Variants in PRIM2 observed in about 807,000 individuals in gnomAD.
The protein encoded by PRIM2 is DNA primase large subunit.
PRIM2 carries 39 observed loss-of-function variants against 67.3 expected under a neutral mutation model. That is an observed-to-expected ratio of 0.58 (90% CI 0.45 to 0.76). PRIM2 has a LOEUF of 0.76. PRIM2 is among the 30% of genes least tolerant of loss of function. The pLI is 0.00. For missense variants in PRIM2, 398 were observed against 598.7 expected, an observed-to-expected ratio of 0.66 and a Z score of 3.50; for synonymous variants, 143 against 198.7, an observed-to-expected ratio of 0.72 and a Z score of 2.36.
At chr6:57,483,298 A>G (rs1773673770) in intron 7 of PRIM2, among the ~76,000 whole-genome samples, 1 of 152,194 alleles carries the variant, frequency 6.6e-6, no homozygotes, top group Non-Finnish European at 1.5e-5. Context: ...TGAGCACAAT[A>G]CAATCTTTCA....
intron 12 of PRIM2, among the ~76,000 whole-genome samples, chr6:57,607,727 T>C (rs1160936049): frequency 6.6e-6 from 1 of 152,230 alleles, no homozygotes; most frequent in South Asian, 2.1e-4. Flanking sequence ...AGTGGCTTTT[T>C]TTTAAGCAAT....
intron 7 of PRIM2, among the ~76,000 whole-genome samples, chr6:57,391,014 G>A (rs1267263246): frequency 1.3e-5 from 2 of 151,840 alleles, no homozygotes; most frequent in African/African-American, 4.9e-5. Context: ...CAGTGTATAA[G>A]TGTTCCCTCC....
intron 10 of PRIM2, among the ~76,000 whole-genome samples, chr6:57,572,129 C>T (rs1775874897): frequency 6.6e-6 from 1 of 152,092 alleles, no homozygotes; most frequent in African/African-American, 2.4e-5. Flanking sequence ...CCTCAGTGTC[C>T]AGTATAGCAC....
At chr6:57,364,700 C>T (rs954042969) in intron 5 of PRIM2, among the ~76,000 whole-genome samples, 2 of 151,814 alleles carry the variant, frequency 1.3e-5, no homozygotes, top group African/African-American at 4.8e-5. Context: ...CTTGGCAGGC[C>T]CTAATCCTTG....
At chr6:57,257,974 C>T in the PRIM2 span, among the ~76,000 whole-genome samples, 1 of 152,164 alleles carries the variant, frequency 6.6e-6, no homozygotes, top group Non-Finnish European at 1.5e-5. Flanking sequence ...AGTCCTTCCC[C>T]AGGATTCTCT....
intron 10 of PRIM2, among the ~76,000 whole-genome samples, chr6:57,597,688 T>C (rs1776390181): frequency 6.6e-6 from 1 of 152,182 alleles, no homozygotes; most frequent in Admixed American, 6.5e-5. Flanking sequence ...CAGGTTTCTC[T>C]GCCTCCAAAG....
chr6:57,576,779 T>G (rs1775970777), intron 10 of PRIM2, among the ~76,000 whole-genome samples: 1 of 135,324 alleles, frequency 7.4e-6, no homozygotes, highest in African/African-American at 3.1e-5. Context: ...AATGGTTTAA[T>G]GTTGCAAATT....
intron 10 of PRIM2, among the ~76,000 whole-genome samples, chr6:57,542,740 CAT>C: frequency 6.6e-6 from 1 of 151,838 alleles, no homozygotes; most frequent in African/African-American, 2.4e-5. Context: ...TCTGTTGTTA[CAT>C]AGTCCGTATT....
intron 10 of PRIM2, among the ~76,000 whole-genome samples, chr6:57,553,784 T>C: frequency 6.6e-6 from 1 of 152,318 alleles, no homozygotes; most frequent in East Asian, 1.9e-4. Flanking sequence ...TTAAGGCTAC[T>C]TTTTGTCCTC....
chr6:57,325,213 G>A (rs964774813), intron 4 of PRIM2, among the ~76,000 whole-genome samples: 3 of 151,614 alleles, frequency 2.0e-5, no homozygotes, highest in African/African-American at 7.3e-5. Flanking sequence ...AAAAAATTTG[G>A]TGTCTTTTAT....
intron 8 of PRIM2, among the ~76,000 whole-genome samples, chr6:57,524,221 A>G (rs1774693281): frequency 6.6e-6 from 1 of 152,232 alleles, no homozygotes; most frequent in Non-Finnish European, 1.5e-5. Context: ...TTTTCAGCCT[A>G]TAAATTATTG....
At chr6:57,556,443 A>G (rs1160012195) in intron 10 of PRIM2, among the ~76,000 whole-genome samples, 1 of 152,220 alleles carries the variant, frequency 6.6e-6, no homozygotes, top group Non-Finnish European at 1.5e-5. Context: ...AAAAACAGAC[A>G]TAGACCAATG....
intron 10 of PRIM2, among the ~76,000 whole-genome samples, chr6:57,581,135 G>A (rs1776077336): frequency 6.6e-6 from 1 of 152,186 alleles, no homozygotes; most frequent in African/African-American, 2.4e-5. Context: ...GCTCTGATCA[G>A]CTAATTGTGC....
chr6:57,579,608 CAG>C (rs1469628364), intron 10 of PRIM2, among the ~76,000 whole-genome samples: 49,395 of 151,852 alleles, frequency 0.33, 9,293 homozygotes, highest in African/African-American at 0.52. Context: ...TGATAATTAA[CAG>C]TGTAAGTAGA....
chr6:57,239,396 T>C, the PRIM2 span, among the ~76,000 whole-genome samples: 1 of 152,202 alleles, frequency 6.6e-6, no homozygotes, highest in Non-Finnish European at 1.5e-5. Flanking sequence ...CCTGGCATTT[T>C]TTTCTCCTCT....
intron 10 of PRIM2, among the ~76,000 whole-genome samples, chr6:57,571,986 T>TA (rs1775872130): frequency 6.6e-6 from 1 of 152,236 alleles, no homozygotes; most frequent in South Asian, 2.1e-4. Context: ...GTTAAATACT[T>TA]ACCATCTTAC....
intron 13 of PRIM2, among the ~76,000 whole-genome samples, chr6:57,644,864 C>T (rs1158762132): frequency 6.6e-6 from 1 of 152,066 alleles, no homozygotes; most frequent in Non-Finnish European, 1.5e-5. Flanking sequence ...GGATTTGAGA[C>T]TGTGGAAAGT....
chr6:57,547,466 TAC>T, intron 10 of PRIM2, among the ~76,000 whole-genome samples: 1 of 152,238 alleles, frequency 6.6e-6, no homozygotes, highest in East Asian at 1.9e-4. Flanking sequence ...CTCCCACTTA[TAC>T]GTGACAGCAT....
chr6:57,604,590 T>C (rs1776527401), intron 11 of PRIM2, among the ~76,000 whole-genome samples: 1 of 152,178 alleles, frequency 6.6e-6, no homozygotes, highest in Non-Finnish European at 1.5e-5. Context: ...AGTATGATGT[T>C]GGCTGTGGGT....
Sources: gnomAD v4.1 joint callset for allele counts (sites outside exome capture counted in the v4.1 genomes callset) on GRCh38, gnomAD v4.1.1 for gene constraint, MANE v1.5 for transcripts, NCBI Gene and HGNC (gene_info 2026-07-23, HGNC 2026-07-21) for gene names.